The following ARGLU1 variants were observed in gnomAD, a reference collection of about 807,000 sequenced individuals.
The protein encoded by ARGLU1 is arginine and glutamate rich 1, also known as arginine and glutamate-rich protein 1.
ARGLU1 carries 9 observed loss-of-function variants against 37.6 expected under a neutral mutation model. The observed-to-expected ratio is 0.24, with a 90% CI of 0.14 to 0.42. The LOEUF (loss-of-function observed/expected upper bound fraction) is 0.42, where lower values mean the gene tolerates loss of function less well. ARGLU1 is among the 10% of genes least tolerant of loss of function. The pLI, the probability that ARGLU1 is intolerant of heterozygous loss-of-function variation, is 1.00. For missense variants in ARGLU1, 211 were observed against 359.2 expected (o/e 0.59, Z 3.34); for synonymous variants, 166 against 138.5 (o/e 1.20, Z -1.39).
chr13:106,547,227 CCT>C (rs1196909250), intron 3 of ARGLU1, among the ~76,000 whole-genome samples: 1 of 152,094 alleles, frequency 6.6e-6, no homozygotes, highest in South Asian at 2.1e-4. Flanking sequence ...TATAAATTAC[CCT>C]GTTAGAGCAG....
intron 3 of ARGLU1, among the ~76,000 whole-genome samples, chr13:106,546,820 T>C (rs1880402773): frequency 6.6e-6 from 1 of 152,066 alleles, no homozygotes; most frequent in Non-Finnish European, 1.5e-5. Flanking sequence ...CTAATGAACA[T>C]TACAAATATA....
chr13:106,565,704 A>C (rs963553270), intron 1 of ARGLU1, among the ~76,000 whole-genome samples: 1 of 152,210 alleles, frequency 6.6e-6, no homozygotes, highest in Non-Finnish European at 1.5e-5. Flanking sequence ...AGACATTAGA[A>C]TATATTAAAT....
At chr13:106,556,430 C>G (rs1044354979) in intron 3 of ARGLU1, among the ~76,000 whole-genome samples, 7 of 152,142 alleles carry the variant, frequency 4.6e-5, no homozygotes, top group Non-Finnish European at 8.8e-5. Flanking sequence ...CTTCCTTCAT[C>G]CCTACTCTCA....
chr13:106,552,088 AGCCATCTC>A (rs1880545756), intron 3 of ARGLU1, among the ~76,000 whole-genome samples: 1 of 152,228 alleles, frequency 6.6e-6, no homozygotes, highest in Admixed American at 6.5e-5. Context: ...TTTAAAAGAA[AGCCATCTC>A]GCAAAGCAAA....
intron 3 of ARGLU1, among the ~76,000 whole-genome samples, chr13:106,551,237 T>C (rs1244549190): frequency 6.6e-6 from 1 of 152,224 alleles, no homozygotes; most frequent in Non-Finnish European, 1.5e-5. Flanking sequence ...CAGTTCATTC[T>C]TCAATTTAGC....
Position 106,567,670 on chromosome 13 carries a change from T to G in ARGLU1, c.250A>C (p.Ile84Leu). Reference sequence around the variant, plus strand: ...CGCTTGCTCACCGTGCGCCCGAAGATGTCGATGCGGTCGGGCGGGGACGAG... The same window carrying G: ...CGCTTGCTCACCGTGCGCCCGAAGAGGTCGATGCGGTCGGGCGGGGACGAG... ...RASSPPDRID[I>L]FGRTVSKRSS... The change falls in exon 1 of 4, where the codon ATC becomes CTC. Residue 84 changes from isoleucine to leucine, a missense_variant. Ile to Leu is a conservative substitution (Grantham distance 5). This residue lies in a region of ARGLU1 where 130 missense variants were observed against 179.8 expected (regional missense o/e 0.72). Transcript: ENST00000400198. The surrounding 1 kb of genome is among the most constrained non-coding windows in gnomAD (Gnocchi z 4.3). The G allele has an allele frequency of 6.2e-7, 1 of 1,612,502 alleles. No individual in the cohort carries two copies. The highest frequency in any genetic ancestry group is 8.5e-7 in the Non-Finnish European group (1 of 1,179,316).
At position 106,544,112 on chromosome 13, in the gene ARGLU1, C is replaced by T; in HGVS notation, c.706G>A (p.Glu236Lys). The change falls in exon 4 of 4, where the codon GAA becomes AAA. Residue 236 changes from glutamate to lysine, a missense_variant. Physicochemically the swap from Glu to Lys is moderately conservative, Grantham distance 56 (BLOSUM62 1). Transcript: ENST00000400198. ...CGTTCTTGTTCTAGTTTCATCCTTT[C>T]CTCATGAATCTTTCTTTGTTCTTCA... ...IVEEQRKIHE[E>K]RMKLEQERQR... 1 of 1,598,824 alleles carries T rather than the reference C, an allele frequency of 6.3e-7. No individual in the cohort carries two copies. Among genetic ancestry groups the T allele is most frequent in the Admixed American group, 1.8e-5 (1 of 56,542 alleles).
chr13:106,550,710 A>C (rs1047080490), intron 3 of ARGLU1, among the ~76,000 whole-genome samples: 2 of 152,200 alleles, frequency 1.3e-5, no homozygotes, highest in Admixed American at 6.5e-5. Context: ...GTTGGCAGGG[A>C]CACACTTCCT....
intron 3 of ARGLU1, among the ~76,000 whole-genome samples, chr13:106,550,070 A>G (rs1287221205): frequency 6.6e-6 from 1 of 152,068 alleles, no homozygotes; most frequent in African/African-American, 2.4e-5. Flanking sequence ...TATTTTGTGC[A>G]CTAAGTTTTC....
intron 3 of ARGLU1, among the ~76,000 whole-genome samples, chr13:106,549,368 A>G (rs965428769): frequency 1.3e-5 from 2 of 152,218 alleles, no homozygotes; most frequent in Non-Finnish European, 2.9e-5. Flanking sequence ...CCACTCTGCC[A>G]TTTATAATTT....
rs148407062 is a variant in ARGLU1 at position 106,563,956 on chromosome 13, G to A, written c.347+3617C>T. 2.9e-3 allele frequency among the ~76,000 whole-genome samples: 438 copies of A among 152,308 alleles called. 1 individual carries two copies. The highest frequency in any genetic ancestry group is 4.2e-3 in the Non-Finnish European group (287 of 68,030). ...TTAACATTTTCCTGATTTGCTGCAA[G>A]TTATTTTCAGTTGTCTATTTTTTCA... On this transcript the variant is annotated intron_variant, in intron 1 of 3. Coordinates refer to ENST00000400198, the MANE Select transcript of ARGLU1 (RefSeq NM_018011.4).
In ARGLU1 at chr13:106,567,887, G is replaced by C; in HGVS notation, c.33C>G (p.Arg11=). Reference sequence around the variant, plus strand: ...GCTTGCTGCTCTTGGTGTGCTTGGAGCGGGACGAGCTCCGGCTCCGAGACC... The same window carrying C: ...GCTTGCTGCTCTTGGTGTGCTTGGACCGGGACGAGCTCCGGCTCCGAGACC... MGRSRSRSSS[R]SKHTKSSKHN... The change falls in exon 1 of 4, where the codon CGC becomes CGG. Residue 11 remains arginine, a synonymous_variant. Transcript: ENST00000400198. The surrounding 1 kb of genome is among the most constrained non-coding windows in gnomAD (Gnocchi z 4.3). 1 of 1,611,008 alleles carries C rather than the reference G, an allele frequency of 6.2e-7. No homozygotes were observed. Among genetic ancestry groups the C allele is most frequent in the Non-Finnish European group, 8.5e-7 (1 of 1,179,622 alleles).
Position 106,557,362 on chromosome 13 carries a change from A to C in ARGLU1, c.574-231T>G. 1 of 602,780 alleles carries C rather than the reference A, an allele frequency of 1.7e-6. No homozygotes were observed. The highest frequency in any genetic ancestry group is 3.5e-5 in the South Asian group (1 of 28,202). The allele number at this position is 602,780 out of a possible 1,614,324, so 37.3% of individuals were successfully genotyped here. On this transcript the variant is annotated intron_variant, in intron 2 of 3. Coordinates refer to ENST00000400198, the MANE Select transcript of ARGLU1 (RefSeq NM_018011.4). This position sits in a 1 kb window ranked among gnomAD's most constrained non-coding sequence, Gnocchi z 5.0. Reference sequence around the variant, plus strand: ...AACCAACTAAACCCTCCCTAATGATAGTTTCCTGGCAATTATTACTAATAC... The same window carrying C: ...AACCAACTAAACCCTCCCTAATGATCGTTTCCTGGCAATTATTACTAATAC...
rs1026501362 is a variant in ARGLU1 at position 106,543,633 on chromosome 13, C to T, written c.*363G>A. On this transcript the variant is annotated 3_prime_UTR_variant, in exon 4 of 4. Coordinates refer to ENST00000400198, the MANE Select transcript of ARGLU1 (RefSeq NM_018011.4). ...TAAAAAAACAAAAAGTCAGCAAAAC[C>T]AGCATTATGATGTAGCAAACAGAGT... 4 of 157,446 alleles carry T rather than the reference C, an allele frequency of 2.5e-5. No individual in the cohort carries two copies. Among genetic ancestry groups the T allele is most frequent in the African/African-American group, 9.6e-5 (4 of 41,606 alleles). The allele number at this position is 157,446 out of a possible 1,614,324, so 9.8% of individuals were successfully genotyped here. A position where few individuals can be genotyped will look rare whatever the true frequency, so the allele number is the denominator to read the frequency against.
intron 3 of ARGLU1, among the ~76,000 whole-genome samples, chr13:106,544,394 T>TTAAG (rs59960407): frequency 0.018 from 2,711 of 152,278 alleles, 55 homozygotes; most frequent in African/African-American, 0.051. Context: ...GTCACATAGT[T>TTAAG]TGGTAGAGAA....
intron 2 of ARGLU1, chr13:106,559,227 T>C: frequency 6.6e-7 from 1 of 1,521,106 alleles, no homozygotes; most frequent in South Asian, 1.2e-5. Context: ...CTTGAATATG[T>C]TTTATAAAAG....
chr13:106,556,569 A>C (rs1432021022), intron 3 of ARGLU1, among the ~76,000 whole-genome samples: 2 of 152,068 alleles, frequency 1.3e-5, no homozygotes, highest in African/African-American at 2.4e-5. Context: ...TTTCTATATT[A>C]TATAATTACC....
intron 1 of ARGLU1, among the ~76,000 whole-genome samples, chr13:106,563,322 T>C (rs1360068698): frequency 3.3e-5 from 5 of 152,156 alleles, no homozygotes; most frequent in Admixed American, 6.5e-5. Context: ...CTGAGGAAAC[T>C]AAGAACAAGG....
intron 1 of ARGLU1, among the ~76,000 whole-genome samples, chr13:106,565,786 T>G (rs1283118666): frequency 3.3e-5 from 5 of 152,206 alleles, no homozygotes; most frequent in Non-Finnish European, 7.4e-5. Context: ...TTCTCCCTCC[T>G]AAATACTATT....
Sources: allele counts gnomAD v4.1 joint callset (sites outside exome capture counted in the v4.1 genomes callset), GRCh38; gene constraint gnomAD v4.1.1; regional missense constraint gnomAD v4.1.1; non-coding constraint Gnocchi (gnomAD v3.1); transcripts MANE v1.5; gene names NCBI Gene and HGNC (gene_info 2026-07-23, HGNC 2026-07-21).